Variants in NKAIN3 observed in about 807,000 individuals in gnomAD.
NKAIN3 encodes the protein sodium/potassium transporting ATPase interacting 3, also known as sodium/potassium-transporting ATPase subunit beta-1-interacting protein 3.
In NKAIN3, 25 loss-of-function variants were observed where a neutral mutation model predicts 30.2. The observed-to-expected ratio is 0.83, with a 90% confidence interval of 0.60 to 1.16. NKAIN3 has a LOEUF of 1.16. NKAIN3 is among the 50% of genes most tolerant of loss of function. The probability of loss-of-function intolerance (pLI) is 0.00; values close to 1 mark genes in which losing one functional copy is unlikely to be tolerated. For missense variants in NKAIN3, 225 were observed against 254.1 expected, an observed-to-expected ratio of 0.89 and a Z score of 0.78; for synonymous variants, 91 against 89.6, an observed-to-expected ratio of 1.02 and a Z score of -0.09.
chr8:62,291,759 G>T (rs1813643212), intron 1 of NKAIN3, among the ~76,000 whole-genome samples: 4 of 152,178 alleles, frequency 2.6e-5, no homozygotes, highest in African/African-American at 9.7e-5. Context: ...AGGTCTGCAT[G>T]GTGCAGAGCT....
chr8:62,350,439 G>T (rs976059492), intron 1 of NKAIN3, among the ~76,000 whole-genome samples: 2 of 152,112 alleles, frequency 1.3e-5, no homozygotes, highest in Non-Finnish European at 2.9e-5. Flanking sequence ...GACAAAAAGA[G>T]TGGTGGTTAC....
At chr8:62,781,288 A>C (rs1431183849) in intron 4 of NKAIN3, among the ~76,000 whole-genome samples, 1 of 151,986 alleles carries the variant, frequency 6.6e-6, no homozygotes, top group African/African-American at 2.4e-5. Flanking sequence ...GGAGGGCACA[A>C]AAAAATGGAA....
At chr8:62,520,263 T>C (rs1208235589) in intron 1 of NKAIN3, among the ~76,000 whole-genome samples, 1 of 152,114 alleles carries the variant, frequency 6.6e-6, no homozygotes, top group African/African-American at 2.4e-5. Context: ...CTTTTAATAC[T>C]GTGTCAGATT....
intron 1 of NKAIN3, among the ~76,000 whole-genome samples, chr8:62,334,793 A>G (rs6995804): frequency 0.92 from 139,370 of 152,006 alleles, 64,033 homozygotes; most frequent in East Asian, 1. Context: ...CTTGGCTGGA[A>G]AGTGAAAAAT....
At chr8:62,934,655 T>G (rs537525492) in intron 5 of NKAIN3, among the ~76,000 whole-genome samples, 3 of 151,992 alleles carry the variant, frequency 2.0e-5, no homozygotes, top group East Asian at 3.9e-4. Flanking sequence ...GTCCAGGAGA[T>G]CCTCACAGAA....
At chr8:62,935,424 A>C (rs1316711277) in intron 5 of NKAIN3, among the ~76,000 whole-genome samples, 1 of 152,130 alleles carries the variant, frequency 6.6e-6, no homozygotes, top group Non-Finnish European at 1.5e-5. Flanking sequence ...TGTATAAGGT[A>C]ATGACACCCT....
At chr8:62,841,409 A>G (rs145083907) in intron 4 of NKAIN3, among the ~76,000 whole-genome samples, 117 of 152,106 alleles carry the variant, frequency 7.7e-4, no homozygotes, top group African/African-American at 2.8e-3. Context: ...CAGATCTCTA[A>G]ACCTCCTGTC....
At chr8:62,249,209 C>T (rs1812002730) in intron 1 of NKAIN3, 82 bp downstream of exon 1, 2 of 1,231,698 alleles carry the variant, frequency 1.6e-6, no homozygotes, top group Non-Finnish European at 2.2e-6. Context: ...GGTTCCGCAG[C>T]TCCCGGCAAG....
intron 4 of NKAIN3, among the ~76,000 whole-genome samples, chr8:62,887,699 A>G (rs993270602): frequency 6.6e-6 from 1 of 152,128 alleles, no homozygotes; most frequent in Admixed American, 6.5e-5. Flanking sequence ...TATTTCTTAT[A>G]CAATGTTTTT....
chr8:62,420,440 T>C (rs1319198944), intron 1 of NKAIN3, among the ~76,000 whole-genome samples: 1 of 152,182 alleles, frequency 6.6e-6, no homozygotes, highest in Non-Finnish European at 1.5e-5. Flanking sequence ...GTGTTACACA[T>C]TTTTAAGTAT....
intron 3 of NKAIN3, among the ~76,000 whole-genome samples, chr8:62,631,051 C>T (rs978022266): frequency 2.6e-5 from 4 of 152,104 alleles, no homozygotes; most frequent in African/African-American, 9.7e-5. Flanking sequence ...GGACCCTTGC[C>T]ATTCCAATGG....
intron 1 of NKAIN3, among the ~76,000 whole-genome samples, chr8:62,343,680 A>G (rs2129591109): frequency 6.6e-6 from 1 of 152,012 alleles, no homozygotes; most frequent in East Asian, 2.0e-4. Context: ...GCATGGTGAC[A>G]CATGCCTGTA....
intron 1 of NKAIN3, among the ~76,000 whole-genome samples, chr8:62,506,239 AC>A (rs1807634552): frequency 9.3e-6 from 1 of 108,014 alleles, no homozygotes; most frequent in African/African-American, 3.3e-5. Context: ...GGGGGGGGGG[AC>A]ATTATTTCAC....
At chr8:62,480,714 T>C (rs538694818) in intron 1 of NKAIN3, among the ~76,000 whole-genome samples, 173 of 152,198 alleles carry the variant, frequency 1.1e-3, no homozygotes, top group African/African-American at 3.9e-3. Context: ...CAGAAAATCA[T>C]TTCCTGTATT....
At chr8:62,676,989 G>A (rs1266828582) in intron 3 of NKAIN3, among the ~76,000 whole-genome samples, 1 of 152,062 alleles carries the variant, frequency 6.6e-6, no homozygotes, top group Non-Finnish European at 1.5e-5. Flanking sequence ...AAAGTGCTGG[G>A]ATTACAGACG....
At chr8:62,252,751 T>G (rs1345052797) in intron 1 of NKAIN3, among the ~76,000 whole-genome samples, 1 of 152,252 alleles carries the variant, frequency 6.6e-6, no homozygotes, top group East Asian at 1.9e-4. Context: ...TAGTACATTT[T>G]TTTTGTAAGG....
rs979788773 is a variant in NKAIN3, at chr8:62,966,829, C to T, written c.*1422C>T. On this transcript the variant is annotated 3_prime_UTR_variant, in exon 7 of 7. Coordinates refer to ENST00000623646, the MANE Select transcript of NKAIN3 (RefSeq NM_001304533.3). ...TCAGCCCATGCATCTCTAAGAAGTC[C>T]GTCTATTAACCACCTAAAACTGTTA... 1.3e-5 allele frequency among the ~76,000 whole-genome samples: 2 copies of T among 152,116 alleles called. No individual in the cohort carries two copies. Among genetic ancestry groups the T allele is most frequent in the East Asian group, 1.9e-4 (1 of 5,198 alleles).
intron 1 of NKAIN3, among the ~76,000 whole-genome samples, chr8:62,417,570 C>G (rs1302334821): frequency 6.6e-6 from 1 of 152,132 alleles, no homozygotes; most frequent in Non-Finnish European, 1.5e-5. Flanking sequence ...AGTAGTTGAA[C>G]TAATTTATCT....
chr8:62,492,236 G>A (rs1172391049), intron 1 of NKAIN3, among the ~76,000 whole-genome samples: 1 of 152,076 alleles, frequency 6.6e-6, no homozygotes, highest in Non-Finnish European at 1.5e-5. Flanking sequence ...GGGAAATATG[G>A]CACAGTTTCT....
Sources: allele counts gnomAD v4.1 joint callset (sites outside exome capture counted in the v4.1 genomes callset), GRCh38; gene constraint gnomAD v4.1.1; transcripts MANE v1.5; gene names NCBI Gene and HGNC (gene_info 2026-07-23, HGNC 2026-07-21).